PLXNA4: variants seen among roughly 807,000 people sequenced by gnomAD.
PLXNA4 encodes plexin A4.
Under a neutral mutation model 191.8 loss-of-function variants are expected in PLXNA4, and 44 were observed. The ratio of observed to expected loss-of-function variants is 0.23; its 90% CI spans 0.18 to 0.29. The LOEUF (loss-of-function observed/expected upper bound fraction) is 0.29. PLXNA4 is among the 10% of genes least tolerant of loss of function. The pLI is 1.00. For missense variants in PLXNA4, 1,800 were observed against 2,488.8 expected, an observed-to-expected ratio of 0.72 and a Z score of 5.89; for synonymous variants, 1,082 against 1,009.5, an observed-to-expected ratio of 1.07 and a Z score of -1.36.
At chr7:132,612,487 C>A (rs1803069225) in intron 2 of PLXNA4, among the ~76,000 whole-genome samples, 1 of 151,840 alleles carries the variant, frequency 6.6e-6, no homozygotes, top group Admixed American at 6.6e-5. Context: ...ATGGTGAAAC[C>A]TCCATCTCTA....
At chr7:132,365,837 C>T (rs989427754) in intron 3 of PLXNA4, 3 of 152,158 alleles carry the variant, frequency 2.0e-5, no homozygotes, top group Non-Finnish European at 2.9e-5. Context: ...ATCTGGGTGT[C>T]CTGCCCCCTC....
chr7:132,514,840 C>T (rs940469500), intron 1 of PLXNA4, among the ~76,000 whole-genome samples: 1 of 152,042 alleles, frequency 6.6e-6, no homozygotes, highest in African/African-American at 2.4e-5. Context: ...CCTCTTGGTT[C>T]TGTTTTCTTT....
intron 1 of PLXNA4, among the ~76,000 whole-genome samples, chr7:132,527,488 G>A (rs1177232053): frequency 7.3e-6 from 1 of 137,206 alleles, no homozygotes; most frequent in Non-Finnish European, 1.5e-5. Flanking sequence ...ATTTTCCCAG[G>A]AAACTACAGT....
intron 4 of PLXNA4, among the ~76,000 whole-genome samples, chr7:132,295,891 A>G (rs1363256001): frequency 1.3e-5 from 2 of 152,232 alleles, no homozygotes; most frequent in Non-Finnish European, 2.9e-5. Flanking sequence ...ATTCTTGGAA[A>G]AAAACTATCT....
intron 1 of PLXNA4, among the ~76,000 whole-genome samples, chr7:132,545,450 A>G (rs558348000): frequency 6.6e-4 from 100 of 152,316 alleles, no homozygotes; most frequent in Middle Eastern, 3.4e-3. Context: ...CACTATAAAT[A>G]CTTGTTGAAT....
chr7:132,284,652 T>C (rs528137873), intron 4 of PLXNA4, among the ~76,000 whole-genome samples: 4 of 151,800 alleles, frequency 2.6e-5, no homozygotes, highest in Non-Finnish European at 5.9e-5. Flanking sequence ...CAACCAGGAG[T>C]GGGGCCGATG....
chr7:132,489,923 G>A (rs1283871226), intron 2 of PLXNA4, among the ~76,000 whole-genome samples: 7 of 152,144 alleles, frequency 4.6e-5, no homozygotes, highest in South Asian at 2.1e-4. Flanking sequence ...TGTGGTCTTC[G>A]TATCTATACA....
At chr7:132,180,904 T>G (rs977970516) in intron 18 of PLXNA4, among the ~76,000 whole-genome samples, 172 bp from the exon 19 acceptor site, 3 of 152,204 alleles carry the variant, frequency 2.0e-5, no homozygotes, top group African/African-American at 7.2e-5. Flanking sequence ...CATTGCCTCT[T>G]CCTCCCAGTG....
intron 3 of PLXNA4, among the ~76,000 whole-genome samples, chr7:132,338,823 A>G (rs180934077): frequency 2.0e-5 from 3 of 152,322 alleles, no homozygotes; most frequent in Admixed American, 1.3e-4. Flanking sequence ...TTCCCTCGTC[A>G]GGTACCCATC....
chr7:132,555,638 TGAACCTCAGA>T (rs1350890843), intron 1 of PLXNA4, among the ~76,000 whole-genome samples: 1 of 152,258 alleles, frequency 6.6e-6, no homozygotes, highest in Admixed American at 6.5e-5. Flanking sequence ...ATAAGGACAC[TGAACCTCAGA>T]GAAGACAGGT....
chr7:132,168,218 G>A (rs1226787971), intron 22 of PLXNA4, 86 bp downstream of exon 22: 1 of 1,426,882 alleles, frequency 7.0e-7, no homozygotes, highest in African/African-American at 1.4e-5. Flanking sequence ...TGCTCTCCTA[G>A]GAGCTCCACC....
intron 4 of PLXNA4, among the ~76,000 whole-genome samples, chr7:132,258,126 G>A (rs1446103929): frequency 3.9e-5 from 6 of 152,234 alleles, no homozygotes; most frequent in Non-Finnish European, 8.8e-5. Context: ...CCTCATGTCG[G>A]GTCACTGAGA....
At chr7:132,276,599 A>G (rs1304071244) in intron 4 of PLXNA4, among the ~76,000 whole-genome samples, 1 of 152,156 alleles carries the variant, frequency 6.6e-6, no homozygotes, top group East Asian at 1.9e-4. Context: ...AGAAATCTGC[A>G]GGTTTCTTGC....
At chr7:132,176,383 T>A (rs1796456837) in intron 20 of PLXNA4, among the ~76,000 whole-genome samples, 1 of 152,206 alleles carries the variant, frequency 6.6e-6, no homozygotes, top group African/African-American at 2.4e-5. Flanking sequence ...GCATGTACTG[T>A]CACCAAAAGC....
At chr7:132,151,544 A>G (rs1219704275) in intron 25 of PLXNA4, among the ~76,000 whole-genome samples, 47 of 32,640 alleles carry the variant, frequency 1.4e-3, no homozygotes, top group East Asian at 3.8e-3. Flanking sequence ...GGAGGAGGAG[A>G]AAGGAGGAGG....
chr7:132,620,313 TG>T (rs1237721419), intron 2 of PLXNA4, among the ~76,000 whole-genome samples: 1 of 152,236 alleles, frequency 6.6e-6, no homozygotes, highest in Non-Finnish European at 1.5e-5. Context: ...GTTTAGTTTT[TG>T]TTTCTTTGTT....
At chr7:132,144,818 A>C (rs554032976) in intron 29 of PLXNA4, among the ~76,000 whole-genome samples, 1 of 152,318 alleles carries the variant, frequency 6.6e-6, no homozygotes, top group African/African-American at 2.4e-5. Flanking sequence ...CCTGGCCGTG[A>C]CATTTGGCAT....
intron 1 of PLXNA4, among the ~76,000 whole-genome samples, chr7:132,544,728 G>A (rs892150450): frequency 6.6e-6 from 1 of 152,216 alleles, no homozygotes; most frequent in African/African-American, 2.4e-5. Flanking sequence ...TCTTGGCCTA[G>A]ATGTCTGTCA....
At chr7:132,595,014 TAGATAGAC>T (rs1387172968) in intron 2 of PLXNA4, among the ~76,000 whole-genome samples, 1,445 of 22,770 alleles carry the variant, frequency 0.063, 21 homozygotes, top group African/African-American at 0.11. Flanking sequence ...GATAGATAGA[TAGATAGAC>T]AGACAGACAG....
Sources: allele counts gnomAD v4.1 joint callset (sites outside exome capture counted in the v4.1 genomes callset), GRCh38; gene constraint gnomAD v4.1.1; transcripts MANE v1.5; gene names NCBI Gene and HGNC (gene_info 2026-07-23, HGNC 2026-07-21).